KLHL13: variants seen among roughly 807,000 people sequenced by gnomAD.
KLHL13 encodes the protein kelch like family member 13.
Under a neutral mutation model 37.1 loss-of-function variants are expected in KLHL13, and 10 were observed. The ratio of observed to expected loss-of-function variants is 0.27; its 90% CI spans 0.17 to 0.46. The LOEUF is 0.46. Ranked by LOEUF, KLHL13 falls within the 20% of genes least tolerant of loss-of-function variation. KLHL13 has a pLI of 1.00. For synonymous variants in KLHL13, 163 were observed against 181.2 expected (o/e 0.90, Z 0.81); for missense variants, 360 against 509.3 (o/e 0.71, Z 2.82).
chrX:118,110,332 C>G (rs1332457288), intron 1 of KLHL13, among the ~76,000 whole-genome samples: 1 of 107,690 alleles, frequency 9.3e-6, no homozygotes, highest in African/African-American at 3.4e-5. Context: ...AATCATGTCT[C>G]ATTTGTTTTC....
intron 4 of KLHL13, among the ~76,000 whole-genome samples, chrX:117,913,756 TC>T (rs1349412726): frequency 9.4e-6 from 1 of 106,786 alleles, no homozygotes; most frequent in Non-Finnish European, 1.9e-5. Context: ...GGCAGGAGAA[TC>T]ACTTGAACCC....
chrX:118,084,757 T>G (rs1490873421), intron 1 of KLHL13, among the ~76,000 whole-genome samples: 1 of 111,693 alleles, frequency 9.0e-6, no homozygotes, highest in African/African-American at 3.3e-5. Flanking sequence ...CCAGGCATGG[T>G]GGCTCACACC....
chrX:118,111,763 G>A (rs1188099923), intron 1 of KLHL13, among the ~76,000 whole-genome samples: 3 of 111,885 alleles, frequency 2.7e-5, no homozygotes, highest in Admixed American at 9.4e-5. Flanking sequence ...GTGGTGGCAC[G>A]CACCTGTAGT....
chrX:118,081,646 T>A (rs974590835), intron 1 of KLHL13, among the ~76,000 whole-genome samples: 1 of 111,607 alleles, frequency 9.0e-6, no homozygotes, highest in East Asian at 2.8e-4. Context: ...AAATTATTGT[T>A]AACTACAGTC....
intron 1 of KLHL13, among the ~76,000 whole-genome samples, chrX:118,070,969 A>C (rs1158566444): frequency 1.0e-5 from 1 of 99,028 alleles, no homozygotes. Context: ...ATGTGTTCTC[A>C]CTGTTCAGTT....
At chrX:117,962,221 A>AG (rs1476562766) in intron 1 of KLHL13, among the ~76,000 whole-genome samples, 2 of 108,580 alleles carry the variant, frequency 1.8e-5, no homozygotes, top group Admixed American at 9.9e-5. Flanking sequence ...AAAAAAAAAA[A>AG]ACTGTAGGAT....
chrX:118,109,326 A>G (rs1417582542), intron 1 of KLHL13, among the ~76,000 whole-genome samples: 1 of 111,807 alleles, frequency 8.9e-6, no homozygotes, highest in African/African-American at 3.2e-5. Flanking sequence ...CATCATGGGA[A>G]TTTACGGCTA....
intron 2 of KLHL13, among the ~76,000 whole-genome samples, chrX:117,926,402 A>G (rs1026557544): frequency 6.3e-4 from 70 of 111,223 alleles, no homozygotes; most frequent in East Asian, 4.0e-3. Context: ...GAGCTCGAAA[A>G]ACAGTCACCC....
chrX:118,075,129 T>C (rs1352386889), intron 1 of KLHL13, among the ~76,000 whole-genome samples: 1 of 111,289 alleles, frequency 9.0e-6, no homozygotes, highest in East Asian at 2.8e-4. Flanking sequence ...ACAACATATA[T>C]GGGTTAACTA....
intron 1 of KLHL13, among the ~76,000 whole-genome samples, chrX:118,068,382 C>T (rs781030573): frequency 3.6e-5 from 4 of 111,201 alleles, no homozygotes; most frequent in Non-Finnish European, 7.5e-5. Context: ...CACCAGGGTG[C>T]GTCAAAGGAG....
At chrX:118,032,017 T>C (rs953809205) in intron 1 of KLHL13, among the ~76,000 whole-genome samples, 5 of 111,254 alleles carry the variant, frequency 4.5e-5, no homozygotes, top group Non-Finnish European at 7.6e-5. Context: ...CCCACCCGAA[T>C]ACTGCGCTTT....
At chrX:118,093,002 C>G (rs2055155650) in intron 1 of KLHL13, among the ~76,000 whole-genome samples, 2 of 111,419 alleles carry the variant, frequency 1.8e-5, no homozygotes, top group African/African-American at 6.5e-5. Flanking sequence ...AAAACAAATT[C>G]TATCAGCATC....
chrX:118,021,237 C>T (rs1322893420), intron 1 of KLHL13, among the ~76,000 whole-genome samples: 2 of 107,334 alleles, frequency 1.9e-5, no homozygotes, highest in Non-Finnish European at 3.9e-5. Context: ...ATGGCATTAT[C>T]TCCTTTTTTT....
chrX:117,951,272 A>G (rs1933584949), intron 1 of KLHL13, among the ~76,000 whole-genome samples: 1 of 111,992 alleles, frequency 8.9e-6, no homozygotes, highest in Admixed American at 9.5e-5. Flanking sequence ...TAAAAACTTA[A>G]AATTTCAAAT....
chrX:118,011,464 C>A (rs1233932132), intron 1 of KLHL13, among the ~76,000 whole-genome samples: 2 of 104,927 alleles, frequency 1.9e-5, no homozygotes, highest in Non-Finnish European at 3.9e-5. Flanking sequence ...AAGGGGAGGG[C>A]TAAGACTAGA....
chrX:117,918,017 A>T (rs1451118352), intron 4 of KLHL13, among the ~76,000 whole-genome samples: 6 of 111,884 alleles, frequency 5.4e-5, no homozygotes, highest in Non-Finnish European at 5.6e-5. Context: ...TGAGATCCTA[A>T]TAGCTCTTGA....
exon 7 of KLHL13, chrX:117,897,932 G>A (rs901478630): frequency 2.7e-5 from 3 of 112,059 alleles, no homozygotes; most frequent in Non-Finnish European, 3.8e-5. Flanking sequence ...TATGAACTGA[G>A]TATACAGAAT....
chrX:117,942,593 T>C (rs754425305), intron 2 of KLHL13, among the ~76,000 whole-genome samples: 2 of 111,778 alleles, frequency 1.8e-5, no homozygotes, highest in South Asian at 3.7e-4. Flanking sequence ...TGCCCTTCTT[T>C]GTCTTTTTTT....
Position 117,965,247 on chromosome X carries a change from CTGT to C in KLHL13, c.98+7481_98+7483del, listed in dbSNP as rs1183794687. On this transcript the variant is annotated intron_variant, in intron 1 of 6. Coordinates refer to ENST00000262820, the Ensembl canonical transcript of KLHL13. ...TATTTCTCCACATGCTCTCCAGCAC[CTGT>C]TGTTTCCTGACTTTTTAATGATCGC... is the stretch of plus-strand genomic sequence containing the variant. Among the ~76,000 whole-genome samples the C allele has an allele frequency of 2.7e-5, 3 of 111,590 alleles. No homozygotes were observed. The Admixed American group carries it at 2.9e-4, about 11-fold the overall frequency.
Sources: allele counts gnomAD v4.1 joint callset (sites outside exome capture counted in the v4.1 genomes callset), GRCh38; gene constraint gnomAD v4.1.1; transcripts MANE v1.5; gene names NCBI Gene and HGNC (gene_info 2026-07-23, HGNC 2026-07-21).